The following NRG1 variants were observed in gnomAD, a reference collection of about 807,000 sequenced individuals.
The protein encoded by NRG1 is pro-neuregulin-1, membrane-bound isoform.
Under a neutral mutation model 63.8 loss-of-function variants are expected in NRG1, and 18 were observed. That is an observed-to-expected ratio of 0.28 (90% CI 0.19 to 0.42). The LOEUF is 0.42. Among genes scored for constraint, NRG1 ranks in the 10% least tolerant of loss-of-function variants. The pLI is 1.00. For synonymous variants in NRG1, 302 were observed against 301.3 expected (o/e 1.00, Z -0.02); for missense variants, 762 against 814.7 (o/e 0.94, Z 0.79).
intron 5 of NRG1, among the ~76,000 whole-genome samples, chr8:32,689,206 C>A (rs750219950): frequency 6.6e-6 from 1 of 151,768 alleles, no homozygotes; most frequent in Non-Finnish European, 1.5e-5. Flanking sequence ...TTTTGCTTCA[C>A]AGATTCTCGT....
intron 1 of NRG1, among the ~76,000 whole-genome samples, chr8:31,910,663 G>C (rs1296459478): frequency 2.0e-5 from 3 of 152,180 alleles, no homozygotes; most frequent in African/African-American, 7.2e-5. Flanking sequence ...GTCTGGGTCA[G>C]AGATAGATAT....
At chr8:32,164,414 A>G (rs913388026) in intron 1 of NRG1, among the ~76,000 whole-genome samples, 6 of 152,158 alleles carry the variant, frequency 3.9e-5, no homozygotes, top group Non-Finnish European at 8.8e-5. Flanking sequence ...CAGCTCAGAT[A>G]TCTGGTTGAC....
At chr8:32,632,333 A>T (rs1286975184) in intron 5 of NRG1, among the ~76,000 whole-genome samples, 1 of 152,036 alleles carries the variant, frequency 6.6e-6, no homozygotes, top group Non-Finnish European at 1.5e-5. Context: ...CGGGCGGATC[A>T]CCTGAGGTCA....
chr8:31,851,004 T>G (rs1394344868), intron 1 of NRG1, among the ~76,000 whole-genome samples: 1 of 152,172 alleles, frequency 6.6e-6, no homozygotes, highest in African/African-American at 2.4e-5. Flanking sequence ...CTATACTAAC[T>G]TTGGTGGCCA....
intron 1 of NRG1, among the ~76,000 whole-genome samples, chr8:31,792,741 C>A (rs1820836562): frequency 6.6e-6 from 1 of 152,206 alleles, no homozygotes; most frequent in South Asian, 2.1e-4. Context: ...TTGCCTCAGT[C>A]TTTGCAGTAA....
chr8:31,810,070 A>C (rs1387912856), intron 1 of NRG1, among the ~76,000 whole-genome samples: 3 of 152,040 alleles, frequency 2.0e-5, no homozygotes, highest in Non-Finnish European at 4.4e-5. Flanking sequence ...CCAACCTTGG[A>C]TTCATCCTGA....
intron 1 of NRG1, among the ~76,000 whole-genome samples, chr8:32,197,974 A>ACGCG (rs149587780): frequency 6.6e-6 from 1 of 151,872 alleles, no homozygotes; most frequent in Non-Finnish European, 1.5e-5. Flanking sequence ...ACACGCATGC[A>ACGCG]CGCGCACACA....
chr8:31,911,411 A>G (rs1164699677), intron 1 of NRG1, among the ~76,000 whole-genome samples: 2 of 152,240 alleles, frequency 1.3e-5, no homozygotes, highest in Admixed American at 6.5e-5. Flanking sequence ...GCTGTAAAAA[A>G]GAACAGGATC....
intron 1 of NRG1, among the ~76,000 whole-genome samples, chr8:32,197,502 T>G (rs1051079722): frequency 6.6e-6 from 1 of 152,224 alleles, no homozygotes; most frequent in African/African-American, 2.4e-5. Flanking sequence ...GTAGGTTGCC[T>G]GACCTTTTGC....
At chr8:32,467,954 C>T (rs905344932) in intron 1 of NRG1, among the ~76,000 whole-genome samples, 1 of 152,154 alleles carries the variant, frequency 6.6e-6, no homozygotes, top group Admixed American at 6.5e-5. Flanking sequence ...AAAATCCCAA[C>T]GATAAACATC....
chr8:32,536,273 C>G (rs1179783940), intron 1 of NRG1, among the ~76,000 whole-genome samples: 1 of 152,084 alleles, frequency 6.6e-6, no homozygotes, highest in Admixed American at 6.6e-5. Flanking sequence ...TTCGTTGTAG[C>G]TGTAGGACTG....
chr8:32,193,008 C>G (rs1478846585), intron 1 of NRG1, among the ~76,000 whole-genome samples: 1 of 152,052 alleles, frequency 6.6e-6, no homozygotes, highest in Admixed American at 6.6e-5. Context: ...CTGATGTTTC[C>G]TAGGTACCTA....
At chr8:31,642,999 T>TGTGTGA (rs1554494576) in intron 1 of NRG1, among the ~76,000 whole-genome samples, 10 of 144,626 alleles carry the variant, frequency 6.9e-5, no homozygotes, top group African/African-American at 2.6e-4. Context: ...TGTGTGTGTG[T>TGTGTGA]GAGAGAGAGA....
intron 9 of NRG1, among the ~76,000 whole-genome samples, 200 bp downstream of exon 9, chr8:32,756,729 C>T (rs1156558855): frequency 6.6e-6 from 1 of 152,162 alleles, no homozygotes; most frequent in African/African-American, 2.4e-5. Flanking sequence ...AGCACATTTC[C>T]TCTTATAAAG....
At chr8:32,093,722 C>CA (rs1377743963) in intron 1 of NRG1, among the ~76,000 whole-genome samples, 1 of 151,938 alleles carries the variant, frequency 6.6e-6, no homozygotes, top group Non-Finnish European at 1.5e-5. Flanking sequence ...TTTAGTGGGG[C>CA]AAAAAACGTT....
chr8:32,457,015 C>A (rs1821678895), intron 1 of NRG1, among the ~76,000 whole-genome samples: 1 of 151,976 alleles, frequency 6.6e-6, no homozygotes, highest in East Asian at 1.9e-4. Context: ...GCCTGTAGTC[C>A]CAGCTACTCA....
At position 32,211,137 on chromosome 8, in the gene NRG1, G is replaced by A. The variant is rs1345249370; in HGVS notation, c.38-384691G>A. Reference sequence around the variant, plus strand: ...TTAGCATTTTGGTGTGTTTCTTATAGCCCTTTTTGTTGTCAAAAATAAGCA... The same window carrying A: ...TTAGCATTTTGGTGTGTTTCTTATAACCCTTTTTGTTGTCAAAAATAAGCA... On this transcript the variant is annotated intron_variant, in intron 1 of 10. Transcript: ENST00000519301. Among the ~76,000 whole-genome samples, 3 of 152,068 alleles carry A rather than the reference G, an allele frequency of 2.0e-5. No individual in the cohort carries two copies. The East Asian group carries it at 5.8e-4, about 29-fold the overall frequency.
chr8:31,748,883 C>A (rs1384812686), intron 1 of NRG1, among the ~76,000 whole-genome samples: 5 of 151,800 alleles, frequency 3.3e-5, no homozygotes, highest in Non-Finnish European at 5.9e-5. Flanking sequence ...ATGTACCCTA[C>A]CTCTGACCCT....
At chr8:31,887,695 T>C (rs1414323106) in intron 1 of NRG1, among the ~76,000 whole-genome samples, 1 of 152,088 alleles carries the variant, frequency 6.6e-6, no homozygotes, top group Non-Finnish European at 1.5e-5. Context: ...TCATTTTATC[T>C]GAGGAAAGAT....
Sources: gnomAD v4.1 joint callset for allele counts (sites outside exome capture counted in the v4.1 genomes callset) on GRCh38, gnomAD v4.1.1 for gene constraint, MANE v1.5 for transcripts, NCBI Gene and HGNC (gene_info 2026-07-23, HGNC 2026-07-21) for gene names.